The following ELOVL7 variants were observed in gnomAD, a reference collection of about 807,000 sequenced individuals.
The protein encoded by ELOVL7 is very long chain fatty acid elongase 7.
A neutral mutation model predicts 35.7 loss-of-function variants in ELOVL7; 27 were observed. That is an observed-to-expected ratio of 0.76 (90% confidence interval 0.56 to 1.04). ELOVL7 has a LOEUF of 1.04. ELOVL7 is among the 50% of genes least tolerant of loss of function. The probability of loss-of-function intolerance (pLI) is 0.00; values close to 1 mark genes in which losing one functional copy is unlikely to be tolerated. For missense variants in ELOVL7, 327 were observed against 340.8 expected (o/e 0.96, Z 0.32); for synonymous variants, 113 against 114.6 (o/e 0.99, Z 0.09).
intron 3 of ELOVL7, among the ~76,000 whole-genome samples, chr5:60,786,888 G>T (rs1743629156): frequency 6.6e-6 from 1 of 151,910 alleles, no homozygotes; most frequent in East Asian, 1.9e-4. Context: ...GTTGCAGGGA[G>T]GCGGAGGTTG....
intron 1 of ELOVL7, among the ~76,000 whole-genome samples, chr5:60,840,024 G>A (rs376456864): frequency 2.0e-5 from 3 of 152,078 alleles, no homozygotes; most frequent in Admixed American, 1.3e-4. Flanking sequence ...GCATCCTTCT[G>A]TATCTTAAAA....
At chr5:60,804,113 C>A (rs751675664) in intron 1 of ELOVL7, among the ~76,000 whole-genome samples, 23 of 152,148 alleles carry the variant, frequency 1.5e-4, no homozygotes, top group Non-Finnish European at 3.1e-4. Context: ...GTTAACGTGA[C>A]AACTTGTAAG....
chr5:60,840,330 G>A (rs1747090674), intron 1 of ELOVL7, among the ~76,000 whole-genome samples: 1 of 152,122 alleles, frequency 6.6e-6, no homozygotes, highest in African/African-American at 2.4e-5. Context: ...TTTATAAGAT[G>A]GTTATGTGAA....
intron 1 of ELOVL7, among the ~76,000 whole-genome samples, chr5:60,832,369 A>ATTT (rs879262823): frequency 6.8e-6 from 1 of 146,512 alleles, no homozygotes; most frequent in Admixed American, 6.8e-5. Flanking sequence ...GGATTGATAG[A>ATTT]TTTTTTTTTT....
chr5:60,808,641 A>G (rs1379837920), intron 1 of ELOVL7, among the ~76,000 whole-genome samples: 1 of 152,216 alleles, frequency 6.6e-6, no homozygotes, highest in Non-Finnish European at 1.5e-5. Flanking sequence ...AGACAAAGAA[A>G]TACTTATATT....
At chr5:60,760,197 C>T (rs1158601845) in intron 7 of ELOVL7, among the ~76,000 whole-genome samples, 2 of 152,150 alleles carry the variant, frequency 1.3e-5, no homozygotes, top group Non-Finnish European at 2.9e-5. Flanking sequence ...AGTTCTAGAT[C>T]CCTGAGGAAT....
At position 60,752,396 on chromosome 5, in the gene ELOVL7, T is replaced by C. The variant is rs1741323534; in HGVS notation, c.*2228A>G. 1.3e-5 allele frequency: 2 copies of C among 152,644 alleles called. No individual in the cohort carries two copies. Among genetic ancestry groups the C allele is most frequent in the Admixed American group, 1.3e-4 (2 of 15,280 alleles). The allele number at this position is 152,644 out of a possible 1,614,324, so 9.5% of individuals were successfully genotyped here. A position where few individuals can be genotyped will look rare whatever the true frequency, so the allele number is the denominator to read the frequency against. On this transcript the variant is annotated 3_prime_UTR_variant, in exon 9 of 9. Transcript: ENST00000508821. ...GTTAGGAGAGGTTGTATGATGAAGG[T>C]CGGAAAGTATGCAAGAAATAAACTC...
At chr5:60,842,288 T>A (rs776232044) in intron 1 of ELOVL7, among the ~76,000 whole-genome samples, 2 of 152,056 alleles carry the variant, frequency 1.3e-5, no homozygotes, top group South Asian at 2.1e-4. Flanking sequence ...CACGGCACCT[T>A]GGAGACCAGG....
chr5:60,770,839 G>A (rs116926215), intron 4 of ELOVL7, among the ~76,000 whole-genome samples: 9,501 of 152,130 alleles, frequency 0.062, 577 homozygotes, highest in East Asian at 0.2. Context: ...CTGGGACCAC[G>A]GGCGTGCACC....
At chr5:60,783,561 C>T (rs1340213779) in intron 3 of ELOVL7, among the ~76,000 whole-genome samples, 1 of 152,134 alleles carries the variant, frequency 6.6e-6, no homozygotes, top group East Asian at 1.9e-4. Flanking sequence ...TTTATGATCC[C>T]ATTTGGGATA....
At chr5:60,807,529 T>TG (rs1744999442) in intron 1 of ELOVL7, among the ~76,000 whole-genome samples, 1 of 50,818 alleles carries the variant, frequency 2.0e-5, no homozygotes, top group Non-Finnish European at 4.1e-5. Flanking sequence ...ATTCATTTGA[T>TG]GAAAAAAAAA....
chr5:60,822,128 A>C (rs1285342642), intron 1 of ELOVL7, among the ~76,000 whole-genome samples: 1 of 152,224 alleles, frequency 6.6e-6, no homozygotes, highest in Non-Finnish European at 1.5e-5. Context: ...AATGATAAGA[A>C]GGCTTTGTGA....
intron 2 of ELOVL7, among the ~76,000 whole-genome samples, chr5:60,797,313 C>T (rs1280886235): frequency 1.3e-5 from 2 of 152,172 alleles, no homozygotes; most frequent in African/African-American, 4.8e-5. Context: ...TGTATACTAA[C>T]CCACATTTCT....
chr5:60,792,021 C>T (rs1435394774), intron 2 of ELOVL7, among the ~76,000 whole-genome samples: 1 of 152,050 alleles, frequency 6.6e-6, no homozygotes, highest in Non-Finnish European at 1.5e-5. Flanking sequence ...GAAATATTCA[C>T]AGGCAGCCAA....
intron 1 of ELOVL7, among the ~76,000 whole-genome samples, chr5:60,839,238 C>T (rs1228052142): frequency 6.6e-6 from 1 of 151,974 alleles, no homozygotes; most frequent in Non-Finnish European, 1.5e-5. Flanking sequence ...GTCCCAGCTA[C>T]TCAGGAAGCT....
intron 1 of ELOVL7, among the ~76,000 whole-genome samples, chr5:60,800,622 C>T (rs1209114784): frequency 6.6e-6 from 1 of 152,210 alleles, no homozygotes; most frequent in Non-Finnish European, 1.5e-5. Flanking sequence ...TTATTTCTCA[C>T]AGTTCTAGAG....
intron 2 of ELOVL7, among the ~76,000 whole-genome samples, chr5:60,797,589 GAGA>G (rs1744340483): frequency 6.6e-6 from 1 of 152,224 alleles, no homozygotes; most frequent in Non-Finnish European, 1.5e-5. Context: ...AGATCCCAGA[GAGA>G]AAGGTAATAA....
chr5:60,798,449 T>C (rs899300123), intron 2 of ELOVL7, among the ~76,000 whole-genome samples: 2 of 152,194 alleles, frequency 1.3e-5, no homozygotes, highest in African/African-American at 4.8e-5. Context: ...GAAGCTTTTT[T>C]AACTTGCTGA....
chr5:60,769,163 T>TA (rs1202611400), intron 4 of ELOVL7, among the ~76,000 whole-genome samples: 22 of 152,214 alleles, frequency 1.4e-4, no homozygotes, highest in Middle Eastern at 6.8e-3. Context: ...ATGAGAAAAA[T>TA]AGTTAACAAC....
Sources: allele counts gnomAD v4.1 joint callset (sites outside exome capture counted in the v4.1 genomes callset), GRCh38; gene constraint gnomAD v4.1.1; transcripts MANE v1.5; gene names NCBI Gene and HGNC (gene_info 2026-07-23, HGNC 2026-07-21).